The following CAST variants were observed in gnomAD, a reference collection of about 807,000 sequenced individuals.
CAST encodes MIR583 host.
Under a neutral mutation model 119.6 loss-of-function variants are expected in CAST, and 76 were observed. That is an observed-to-expected ratio of 0.64 (90% CI 0.53 to 0.77). The LOEUF is 0.77. CAST is among the 30% of genes least tolerant of loss of function. The pLI is 0.00. For synonymous variants in CAST, 319 were observed against 331.6 expected (o/e 0.96, Z 0.41); for missense variants, 953 against 946.5 (o/e 1.01, Z -0.09).
At chr5:95,961,766 G>A in the CAST span, 5 of 1,540,266 alleles carry the variant, frequency 3.2e-6, no homozygotes, top group Non-Finnish European at 4.4e-6. Context: ...TCCGGCTCTA[G>A]CCTCCACTGC....
chr5:96,693,283 C>T (rs181108629), intron 2 of CAST, among the ~76,000 whole-genome samples: 3 of 152,242 alleles, frequency 2.0e-5, no homozygotes, highest in Middle Eastern at 3.4e-3. Flanking sequence ...AAAAACATTT[C>T]GTTTATTAGT....
At chr5:96,303,460 AT>A in the CAST span, among the ~76,000 whole-genome samples, 1 of 152,088 alleles carries the variant, frequency 6.6e-6, no homozygotes, top group Non-Finnish European at 1.5e-5. Context: ...TTTGAATGCC[AT>A]TTATTTATTT....
the CAST span, among the ~76,000 whole-genome samples, chr5:96,355,103 G>C: frequency 1.3e-5 from 2 of 152,004 alleles, no homozygotes; most frequent in African/African-American, 4.8e-5. Context: ...ATGGTGGTTT[G>C]CTGCACCCAT....
the CAST span, among the ~76,000 whole-genome samples, chr5:96,088,909 G>A: frequency 6.6e-6 from 1 of 152,130 alleles, no homozygotes; most frequent in African/African-American, 2.4e-5. Flanking sequence ...ATACCCAGGG[G>A]TGACTCTGAC....
chr5:96,300,975 G>C, the CAST span, among the ~76,000 whole-genome samples: 2 of 150,790 alleles, frequency 1.3e-5, no homozygotes, highest in Non-Finnish European at 1.5e-5. Flanking sequence ...TACTAAACTT[G>C]CTTTATCAGG....
the CAST span, among the ~76,000 whole-genome samples, chr5:96,496,200 A>T: frequency 6.6e-6 from 1 of 152,160 alleles, no homozygotes; most frequent in Non-Finnish European, 1.5e-5. Context: ...TTATTATTCC[A>T]TTTACTCTAT....
chr5:96,346,162 A>G, the CAST span, among the ~76,000 whole-genome samples: 23 of 152,126 alleles, frequency 1.5e-4, no homozygotes, highest in Non-Finnish European at 1.5e-4. Flanking sequence ...CTAAAACATG[A>G]TGGTTGATTG....
chr5:96,006,929 G>A, the CAST span, among the ~76,000 whole-genome samples: 346 of 152,226 alleles, frequency 2.3e-3, no homozygotes, highest in Non-Finnish European at 3.5e-3. Flanking sequence ...TGACAGCCTT[G>A]CAATAGCTAA....
chr5:96,483,061 A>G, the CAST span, among the ~76,000 whole-genome samples: 1 of 152,170 alleles, frequency 6.6e-6, no homozygotes, highest in African/African-American at 2.4e-5. Flanking sequence ...ACATTTTATC[A>G]TTTCATGTTT....
chr5:96,706,718 C>T (rs1159397900), intron 3 of CAST, among the ~76,000 whole-genome samples: 4 of 152,194 alleles, frequency 2.6e-5, no homozygotes, highest in East Asian at 3.8e-4. Flanking sequence ...CTCTTCTTCC[C>T]GTGCTTTCCC....
the CAST span, chr5:96,215,598 T>A: frequency 6.6e-6 from 1 of 152,184 alleles, no homozygotes; most frequent in East Asian, 1.9e-4. Flanking sequence ...TTTTTTCTAA[T>A]AAAAGTTGCA....
chr5:96,180,736 A>G, the CAST span, among the ~76,000 whole-genome samples: 10 of 152,260 alleles, frequency 6.6e-5, no homozygotes, highest in African/African-American at 2.4e-4. Flanking sequence ...ATAGGTCAGT[A>G]GCTCAATGGA....
the CAST span, among the ~76,000 whole-genome samples, chr5:96,202,889 CT>C: frequency 1.3e-5 from 2 of 151,922 alleles, no homozygotes; most frequent in Non-Finnish European, 2.9e-5. Context: ...AATTATATAT[CT>C]TTTTGAATCC....
chr5:96,266,091 A>C, the CAST span, among the ~76,000 whole-genome samples: 1 of 152,204 alleles, frequency 6.6e-6, no homozygotes, highest in South Asian at 2.1e-4. Context: ...CATATAAAAC[A>C]AATATACATT....
At chr5:96,300,102 AT>A in the CAST span, among the ~76,000 whole-genome samples, 1 of 151,842 alleles carries the variant, frequency 6.6e-6, no homozygotes, top group African/African-American at 2.4e-5. Context: ...GAAGTTTCTT[AT>A]TTTGTTGTAA....
chr5:96,433,182 G>A, the CAST span: 294 of 790,988 alleles, frequency 3.7e-4, no homozygotes, highest in Non-Finnish European at 5.8e-4. Context: ...GAAGAGCTAG[G>A]AGGCGCGAGA....
the CAST span, among the ~76,000 whole-genome samples, chr5:95,977,901 T>C: frequency 6.6e-6 from 1 of 152,132 alleles, no homozygotes; most frequent in African/African-American, 2.4e-5. Flanking sequence ...AAACAGGTGG[T>C]ATTTGGTTTT....
At chr5:96,328,112 A>T in the CAST span, among the ~76,000 whole-genome samples, 1 of 152,186 alleles carries the variant, frequency 6.6e-6, no homozygotes, top group Non-Finnish European at 1.5e-5. Flanking sequence ...ATTCTTGTGA[A>T]GCTGGGCTTT....
chr5:96,315,971 A>G, the CAST span, among the ~76,000 whole-genome samples: 1 of 152,168 alleles, frequency 6.6e-6, no homozygotes, highest in African/African-American at 2.4e-5. Context: ...AGACCACCTA[A>G]GGGTTGAGTA....
Sources: gnomAD v4.1 joint callset for allele counts (sites outside exome capture counted in the v4.1 genomes callset) on GRCh38, gnomAD v4.1.1 for gene constraint, MANE v1.5 for transcripts, NCBI Gene and HGNC (gene_info 2026-07-23, HGNC 2026-07-21) for gene names.